The following RASA1 variants were observed in gnomAD, a reference collection of about 807,000 sequenced individuals.
RASA1 encodes RAS p21 protein activator 1.
A neutral mutation model predicts 132.2 loss-of-function variants in RASA1; 25 were observed. The ratio of observed to expected loss-of-function variants is 0.19; its 90% CI spans 0.14 to 0.26. The LOEUF is 0.26. RASA1 is among the 10% of genes least tolerant of loss of function. The pLI is 1.00. For missense variants in RASA1, 964 were observed against 1,299.2 expected, an observed-to-expected ratio of 0.74 and a Z score of 3.97; for synonymous variants, 477 against 449.9, an observed-to-expected ratio of 1.06 and a Z score of -0.76.
chr5:87,302,339 A>G (rs1218698932), intron 1 of RASA1, among the ~76,000 whole-genome samples: 3 of 151,888 alleles, frequency 2.0e-5, no homozygotes, highest in East Asian at 3.9e-4. Context: ...GGTCATTTCT[A>G]TAACCTCTTT....
intron 8 of RASA1, among the ~76,000 whole-genome samples, 176 bp from the exon 9 acceptor site, chr5:87,352,981 G>GT (rs1055186165): frequency 5.3e-5 from 8 of 151,500 alleles, no homozygotes; most frequent in Admixed American, 3.3e-4. Flanking sequence ...TGAGAACATT[G>GT]TTTTTTCTAA....
rs146092293 is a variant in RASA1, at chr5:87,322,543, C to G, written c.540-8805C>G. Among the ~76,000 whole-genome samples, 634 of 152,250 alleles carry G rather than the reference C, an allele frequency of 4.2e-3. 3 individuals are homozygous for G. Among genetic ancestry groups the G allele is most frequent in the Admixed American group, 6.5e-3 (99 of 15,290 alleles). On this transcript the variant is annotated intron_variant, in intron 1 of 24. Transcript: ENST00000274376. Reference sequence around the variant, plus strand: ...GTTTAAAGGAGCCTGGCTCCTCCCCCCTTCTCTTGCTCTCTCTGGTCATGT... The same window carrying G: ...GTTTAAAGGAGCCTGGCTCCTCCCCGCTTCTCTTGCTCTCTCTGGTCATGT...
chr5:87,276,640 G>A (rs931792666), intron 1 of RASA1, among the ~76,000 whole-genome samples: 3 of 152,120 alleles, frequency 2.0e-5, no homozygotes, highest in African/African-American at 7.2e-5. Context: ...AAATTCAGAG[G>A]ATAGTTGCCA....
chr5:87,306,272 G>T, intron 1 of RASA1, among the ~76,000 whole-genome samples: 1 of 152,194 alleles, frequency 6.6e-6, no homozygotes, highest in East Asian at 1.9e-4. Flanking sequence ...ATATACCATG[G>T]AATACTATGC....
chr5:87,378,720 T>C (rs931536277), intron 18 of RASA1, among the ~76,000 whole-genome samples, 182 bp downstream of exon 18: 1 of 152,198 alleles, frequency 6.6e-6, no homozygotes, highest in African/African-American at 2.4e-5. Flanking sequence ...TTAAAAAAGA[T>C]GTACTTTATT....
intron 13 of RASA1, 143 bp downstream of exon 13, chr5:87,372,338 T>G (rs772560158): frequency 2.8e-6 from 2 of 718,590 alleles, no homozygotes; most frequent in Non-Finnish European, 4.8e-6. Context: ...AGGAAAACGT[T>G]ACTTCTTTAT....
intron 9 of RASA1, among the ~76,000 whole-genome samples, chr5:87,360,281 C>T (rs1759986041): frequency 6.6e-6 from 1 of 152,110 alleles, no homozygotes; most frequent in South Asian, 2.1e-4. Flanking sequence ...CACGCGCCAC[C>T]ACGCCCAGCT....
chr5:87,286,876 T>C (rs745889562), intron 1 of RASA1, among the ~76,000 whole-genome samples: 12 of 150,284 alleles, frequency 8.0e-5, no homozygotes, highest in African/African-American at 2.4e-4. Context: ...ACACCATATA[T>C]ATATACACCA....
chr5:87,314,833 T>G (rs992396709), intron 1 of RASA1, among the ~76,000 whole-genome samples: 8 of 152,216 alleles, frequency 5.3e-5, no homozygotes, highest in African/African-American at 1.9e-4. Context: ...TCTTTAAGGT[T>G]GATGGGAGAG....
intron 15 of RASA1, among the ~76,000 whole-genome samples, chr5:87,375,820 A>G (rs1761285694): frequency 6.6e-6 from 1 of 152,194 alleles, no homozygotes; most frequent in Non-Finnish European, 1.5e-5. Context: ...TCAAAGCCTG[A>G]ATATTTCTCT....
intron 24 of RASA1, among the ~76,000 whole-genome samples, chr5:87,390,037 G>C (rs1277896651): frequency 6.6e-6 from 1 of 152,160 alleles, no homozygotes; most frequent in Non-Finnish European, 1.5e-5. Flanking sequence ...CGATGCAAGT[G>C]AACCATGGCC....
rs62368945 is a variant in RASA1, at chr5:87,313,503, C to T, written c.540-17845C>T. Among the ~76,000 whole-genome samples, 1,494 of 152,214 alleles carry T rather than the reference C, an allele frequency of 9.8e-3. 12 individuals carry two copies. Among genetic ancestry groups the T allele is most frequent in the Non-Finnish European group, 0.015 (1,006 of 68,006 alleles). On this transcript the variant is annotated intron_variant, in intron 1 of 24. Coordinates refer to ENST00000274376, the MANE Select transcript of RASA1 (RefSeq NM_002890.3). Reference sequence around the variant, plus strand: ...TATGACTTTTGAATTTCCACATAGGCAGGACTTTTTGACAGATTTGTTTTC... The same window carrying T: ...TATGACTTTTGAATTTCCACATAGGTAGGACTTTTTGACAGATTTGTTTTC...
chr5:87,270,583 G>C (rs1273120029), intron 1 of RASA1, among the ~76,000 whole-genome samples: 1 of 149,106 alleles, frequency 6.7e-6, no homozygotes, highest in Non-Finnish European at 1.5e-5. Context: ...CTGACCTCAG[G>C]TGATCCGCCG....
chr5:87,388,841 A>G (rs1762252246), intron 23 of RASA1, among the ~76,000 whole-genome samples: 1 of 152,200 alleles, frequency 6.6e-6, no homozygotes, highest in African/African-American at 2.4e-5. Flanking sequence ...GCTGCATTTA[A>G]TCCAGATTAG....
intron 1 of RASA1, among the ~76,000 whole-genome samples, chr5:87,322,971 T>C (rs1476116866): frequency 6.6e-6 from 1 of 152,186 alleles, no homozygotes; most frequent in Non-Finnish European, 1.5e-5. Flanking sequence ...AAGATGTTGA[T>C]ATATTCACCT....
chr5:87,322,055 T>C (rs1304760041), intron 1 of RASA1, among the ~76,000 whole-genome samples: 3 of 152,108 alleles, frequency 2.0e-5, no homozygotes, highest in Non-Finnish European at 1.5e-5. Flanking sequence ...CCTCCATTGT[T>C]GGAAGTGGGG....
chr5:87,366,556 A>G (rs543799777), intron 11 of RASA1: 4 of 187,902 alleles, frequency 2.1e-5, no homozygotes, highest in Admixed American at 1.6e-4. Context: ...TACATTTACC[A>G]CTTGCTGTAA....
chr5:87,297,171 AT>A, intron 1 of RASA1, among the ~76,000 whole-genome samples: 1 of 152,222 alleles, frequency 6.6e-6, no homozygotes, highest in South Asian at 2.1e-4. Context: ...GTATTTGCAT[AT>A]TGTCTACCTT....
intron 1 of RASA1, among the ~76,000 whole-genome samples, chr5:87,306,401 A>T (rs1379198566): frequency 6.6e-6 from 1 of 152,154 alleles, no homozygotes; most frequent in African/African-American, 2.4e-5. Flanking sequence ...TCTCACTTAT[A>T]AGTGGGAGCT....
Sources: gnomAD v4.1 joint callset for allele counts (sites outside exome capture counted in the v4.1 genomes callset) on GRCh38, gnomAD v4.1.1 for gene constraint, MANE v1.5 for transcripts, NCBI Gene and HGNC (gene_info 2026-07-23, HGNC 2026-07-21) for gene names.